BMPR2: variants seen among roughly 807,000 people sequenced by gnomAD.
BMPR2 encodes the protein bone morphogenetic protein receptor type-2.
A neutral mutation model predicts 100.8 loss-of-function variants in BMPR2; 29 were observed. That is an observed-to-expected ratio of 0.29 (90% CI 0.21 to 0.39). The LOEUF (loss-of-function observed/expected upper bound fraction) is 0.39. Ranked by LOEUF, BMPR2 falls within the 10% of genes least tolerant of loss-of-function variation. The pLI, the probability that BMPR2 is intolerant of heterozygous loss-of-function variation, is 1.00. For missense variants in BMPR2, 1,011 were observed against 1,274.5 expected (o/e 0.79, Z 3.15); for synonymous variants, 382 against 442.3 (o/e 0.86, Z 1.71).
Position 202,532,743 on chromosome 2 carries a change from C to A in BMPR2, c.1276+11C>A. ...CAGACCTCTTCCCAGGTAAAAACTA[C>A]TGTCAAAAGTTGATATTTTTTGAAG... On this transcript the variant is annotated intron_variant, in intron 9 of 12. Coordinates refer to ENST00000374580, the MANE Select transcript of BMPR2 (RefSeq NM_001204.7). This position sits in a 1 kb window ranked among gnomAD's most constrained non-coding sequence, Gnocchi z 4.1. 1 of 1,610,200 alleles carries A rather than the reference C, an allele frequency of 6.2e-7. No homozygotes were observed. Among genetic ancestry groups the A allele is most frequent in the Non-Finnish European group, 8.5e-7 (1 of 1,179,554 alleles).
intron 10 of BMPR2, among the ~76,000 whole-genome samples, chr2:202,550,709 A>T (rs1688461073): frequency 6.6e-6 from 1 of 152,104 alleles, no homozygotes; most frequent in Non-Finnish European, 1.5e-5. Flanking sequence ...AGGCTCATGT[A>T]GGAGGATTGC....
chr2:202,470,932 G>A (rs1231462005), intron 3 of BMPR2, among the ~76,000 whole-genome samples: 2 of 152,046 alleles, frequency 1.3e-5, no homozygotes, highest in African/African-American at 4.8e-5. Flanking sequence ...TGTGGCACAC[G>A]CCTGTAGTCC....
At chr2:202,477,565 G>A (rs1024253427) in intron 3 of BMPR2, among the ~76,000 whole-genome samples, 2 of 152,080 alleles carry the variant, frequency 1.3e-5, no homozygotes, top group Admixed American at 6.6e-5. Flanking sequence ...CAAGGCGGGC[G>A]GATCACAAGG....
intron 1 of BMPR2, among the ~76,000 whole-genome samples, chr2:202,392,786 A>G (rs1170565876): frequency 6.6e-6 from 1 of 152,088 alleles, no homozygotes; most frequent in African/African-American, 2.4e-5. Flanking sequence ...TGAGGTCGGG[A>G]GTTCGAGACC....
chr2:202,483,700 G>C (rs1692710207), intron 3 of BMPR2, among the ~76,000 whole-genome samples: 1 of 152,160 alleles, frequency 6.6e-6, no homozygotes, highest in Non-Finnish European at 1.5e-5. Flanking sequence ...ACCACGCCCA[G>C]CCCAAAGTTT....
In BMPR2 at chr2:202,496,868, G is replaced by A. The variant is rs546681699; in HGVS notation, c.419-16851G>A. The stretch of plus-strand genomic sequence containing the variant: ...GTGGGAGCCACTTTCTGGGCTGGCC[G>A]AGGCCGGAGCCCACTCCTTCAGCTT... On this transcript the variant is annotated intron_variant, in intron 3 of 12. Coordinates refer to ENST00000374580, the MANE Select transcript of BMPR2 (RefSeq NM_001204.7). Among the ~76,000 whole-genome samples the A allele has an allele frequency of 4.6e-3, 697 of 152,368 alleles. 2 individuals carry two copies. Among genetic ancestry groups the A allele is most frequent in the African/African-American group, 0.015 (619 of 41,598 alleles).
At chr2:202,469,974 C>T (rs1692402520) in intron 3 of BMPR2, among the ~76,000 whole-genome samples, 1 of 152,256 alleles carries the variant, frequency 6.6e-6, no homozygotes, top group East Asian at 1.9e-4. Context: ...ATACTGAACT[C>T]TTTTGAGAAG....
intron 1 of BMPR2, among the ~76,000 whole-genome samples, chr2:202,433,957 C>CA (rs1258330460): frequency 6.6e-6 from 1 of 150,614 alleles, no homozygotes. Flanking sequence ...ATGAAGCTTG[C>CA]AGTGGCAGAC....
rs192623670 is a variant in BMPR2, at chr2:202,460,436, A to G, written c.77-4373A>G. On this transcript the variant is annotated intron_variant, in intron 1 of 12. Transcript: ENST00000374580. ...ACATTAGAATATCCATGCTATGGAG[A>G]AAAAGAAAACTTTAAGAATATTTTT... is the stretch of plus-strand genomic sequence containing the variant. Among the ~76,000 whole-genome samples the G allele has an allele frequency of 1.9e-3, 286 of 152,364 alleles. 1 individual carries two copies. The highest frequency in any genetic ancestry group is 6.4e-3 in the African/African-American group (268 of 41,600).
chr2:202,382,185 G>C (rs554515455), intron 1 of BMPR2, among the ~76,000 whole-genome samples: 28 of 148,818 alleles, frequency 1.9e-4, no homozygotes, highest in Middle Eastern at 3.6e-3. Context: ...TCAGCCTCCC[G>C]AGTAGCTGGG....
At chr2:202,459,131 T>G (rs796603614) in intron 1 of BMPR2, among the ~76,000 whole-genome samples, 25 of 152,334 alleles carry the variant, frequency 1.6e-4, no homozygotes, top group African/African-American at 6.0e-4. Context: ...TGGATACTTG[T>G]TTAACAAACT....
intron 1 of BMPR2, among the ~76,000 whole-genome samples, chr2:202,403,150 T>C (rs1197513307): frequency 6.6e-6 from 1 of 151,290 alleles, no homozygotes; most frequent in Non-Finnish European, 1.5e-5. Context: ...TTTGTATTTT[T>C]AGTAGAGATG....
intron 1 of BMPR2, among the ~76,000 whole-genome samples, chr2:202,408,022 A>G (rs1209296083): frequency 6.6e-6 from 1 of 151,610 alleles, no homozygotes; most frequent in Non-Finnish European, 1.5e-5. Flanking sequence ...TTTAGTAGAG[A>G]CGGGGTTTCA....
chr2:202,535,045 C>A (rs1307113562), intron 9 of BMPR2, among the ~76,000 whole-genome samples: 1 of 143,458 alleles, frequency 7.0e-6, no homozygotes, highest in Non-Finnish European at 1.5e-5. Context: ...CTGACCCCCC[C>A]ACCTCCCTCC....
intron 1 of BMPR2, among the ~76,000 whole-genome samples, chr2:202,401,221 A>G (rs187867994): frequency 6.6e-6 from 1 of 152,312 alleles, no homozygotes; most frequent in East Asian, 1.9e-4. Context: ...AGTACCTCAC[A>G]TCTCATCTCC....
chr2:202,392,177 TCTC>T (rs2105903867), intron 1 of BMPR2, among the ~76,000 whole-genome samples: 1 of 152,082 alleles, frequency 6.6e-6, no homozygotes, highest in East Asian at 1.9e-4. Context: ...TTCAAACGAT[TCTC>T]CTGCCTCTGC....
chr2:202,535,504 G>A (rs1388705301), intron 9 of BMPR2, among the ~76,000 whole-genome samples: 1 of 150,976 alleles, frequency 6.6e-6, no homozygotes, highest in Admixed American at 6.6e-5. Context: ...GGGCAGAGAC[G>A]CTCCTCACTT....
intron 1 of BMPR2, among the ~76,000 whole-genome samples, chr2:202,463,305 A>C (rs1035437831): frequency 6.6e-6 from 1 of 152,194 alleles, no homozygotes; most frequent in African/African-American, 2.4e-5. Flanking sequence ...ATCGGCTGAC[A>C]CTAAAGTTCT....
At chr2:202,396,165 G>A (rs996019306) in intron 1 of BMPR2, among the ~76,000 whole-genome samples, 1 of 152,108 alleles carries the variant, frequency 6.6e-6, no homozygotes, top group Non-Finnish European at 1.5e-5. Flanking sequence ...GGGAAAAATC[G>A]GTAACTTGAG....
Sources: allele counts gnomAD v4.1 joint callset (sites outside exome capture counted in the v4.1 genomes callset), GRCh38; gene constraint gnomAD v4.1.1; non-coding constraint Gnocchi (gnomAD v3.1); transcripts MANE v1.5; gene names NCBI Gene and HGNC (gene_info 2026-07-23, HGNC 2026-07-21).